The following KCP variants were observed in gnomAD, a reference collection of about 807,000 sequenced individuals.
The protein encoded by KCP is kielin cysteine rich BMP regulator.
KCP carries 194 observed loss-of-function variants against 212.7 expected under a neutral mutation model. That is an observed-to-expected ratio of 0.91 (90% CI 0.81 to 1.03). The LOEUF (loss-of-function observed/expected upper bound fraction) is 1.03, where lower values mean the gene tolerates loss of function less well. Ranked by LOEUF, KCP falls within the 50% of genes least tolerant of loss-of-function variation. The pLI, the probability that KCP is intolerant of heterozygous loss-of-function variation, is 0.00. For missense variants in KCP, 2,080 were observed against 2,162.5 expected (o/e 0.96, Z 0.76); for synonymous variants, 833 against 865.3 (o/e 0.96, Z 0.65).
chr7:128,906,948 T>C (rs1795151916), intron 4 of KCP, among the ~76,000 whole-genome samples, 153 bp downstream of exon 4: 1 of 152,168 alleles, frequency 6.6e-6, no homozygotes, highest in East Asian at 1.9e-4. Flanking sequence ...GAGCTCCTTT[T>C]CCTACTCGGA....
At position 128,906,337 on chromosome 7, in the gene KCP, C is replaced by T. The variant is rs1795118377; in HGVS notation, c.513G>A (p.Lys171=). ...CLEGTITCNQ[K]PCPRGPCPEP... is the part of the protein sequence containing the mutation. ...CAGGGCAGGGTCCTCTTGGGCATGGCTTCTGGTTGCAAGTGATGGTACCTT... is the reference window on the plus strand; with the variant it reads ...CAGGGCAGGGTCCTCTTGGGCATGGTTTCTGGTTGCAAGTGATGGTACCTT... The change falls in exon 5 of 40, where the codon AAG becomes AAA. Residue 171 remains lysine (K), a synonymous_variant. Transcript: ENST00000610776. 3.9e-6 allele frequency: 6 copies of T among 1,550,188 alleles called. No homozygotes were observed. Among genetic ancestry groups the T allele is most frequent in the Non-Finnish European group, 5.2e-6 (6 of 1,146,872 alleles).
intron 31 of KCP, 37 bp downstream of exon 31, chr7:128,881,589 T>C: frequency 1.4e-6 from 2 of 1,406,512 alleles, no homozygotes; most frequent in Non-Finnish European, 1.9e-6. Context: ...CCCCCTGGGC[T>C]CCTCTCTGAG....
rs574504160 is a variant in KCP, at chr7:128,882,092, T to C, written c.3245-76A>G. The C allele has an allele frequency of 3.3e-3, 3,732 of 1,141,386 alleles. 11 individuals carry two copies. Among genetic ancestry groups the C allele is most frequent in the Non-Finnish European group, 4.0e-3 (3,133 of 782,116 alleles). The allele number at this position is 1,141,386 out of a possible 1,614,324, so 70.7% of individuals were successfully genotyped here. ...GGAAATCCCAGCTGTCCCCATGCAC[T>C]GTGTCCCCAGGTTTCTAACTCGAAC... is the stretch of plus-strand genomic sequence containing the variant. On this transcript the variant is annotated intron_variant, in intron 29 of 39. Coordinates refer to ENST00000610776, the MANE Select transcript of KCP (RefSeq NM_001366122.1).
At position 128,878,650 on chromosome 7, in the gene KCP, A is replaced by C. The variant is rs199657290; in HGVS notation, c.4219T>G (p.Cys1407Gly). ...GSYQGRTCGL[C>G]GNFNGFAQDD... Reference sequence around the variant, plus strand: ...TGGGCAAAGCCATTGAAGTTCCCACAGAGCCCACAAGTCCGGCCCTGGTAG... The same window carrying C: ...TGGGCAAAGCCATTGAAGTTCCCACCGAGCCCACAAGTCCGGCCCTGGTAG... The change falls in exon 38 of 40, where the codon TGT becomes GGT. Residue 1407 changes from cysteine (C) to glycine (G), a missense_variant. Physicochemically the swap from Cys to Gly is radical, Grantham distance 159. Transcript: ENST00000610776. The C allele has an allele frequency of 3.1e-4, 483 of 1,551,224 alleles. No individual in the cohort carries two copies. The highest frequency in any genetic ancestry group is 1.2e-3 in the Middle Eastern group (7 of 6,014).
At chr7:128,891,845 T>G (rs375675125) in intron 16 of KCP, 26 bp from the exon 17 acceptor site, 1 of 1,424,084 alleles carries the variant, frequency 7.0e-7, no homozygotes. Context: ...TGGGGGCAGG[T>G]ATGAGGGCAA....
intron 5 of KCP, among the ~76,000 whole-genome samples, chr7:128,905,171 G>A (rs905706192): frequency 9.2e-5 from 14 of 152,034 alleles, no homozygotes; most frequent in Non-Finnish European, 1.3e-4. Flanking sequence ...CTCCTCTCTC[G>A]GAGGGGCTTC....
chr7:128,907,869 C>G (rs1438364249), intron 2 of KCP, among the ~76,000 whole-genome samples: 2 of 152,126 alleles, frequency 1.3e-5, no homozygotes, highest in Admixed American at 1.3e-4. Flanking sequence ...TGGCTCACAC[C>G]TGTAATCCCA....
rs1263139875 is a variant in KCP, at chr7:128,884,132, T to C, written c.3124-10A>G. 2 of 1,540,582 alleles carry C rather than the reference T, an allele frequency of 1.3e-6. No individual in the cohort carries two copies. The highest frequency in any genetic ancestry group is 1.7e-6 in the Non-Finnish European group (2 of 1,144,014). On this transcript the variant is annotated splice_polypyrimidine_tract_variant and intron_variant, in intron 28 of 39. Coordinates refer to ENST00000610776, the MANE Select transcript of KCP (RefSeq NM_001366122.1). The stretch of plus-strand genomic sequence containing the variant: ...GCCCCTCAGGCTGTGGCTACAAGAA[T>C]GAGTGAGCAGCGGTGGGTCCTGGGC...
Position 128,907,305 on chromosome 7 carries a change from G to T in KCP, c.368C>A (p.Ala123Asp), listed in dbSNP as rs765238929. 8.4e-6 allele frequency: 13 copies of T among 1,539,404 alleles called. No homozygotes were observed. The South Asian group carries it at 1.3e-4, about 16-fold the overall frequency. The part of the protein sequence containing the change: ...ACTACVCQDG[A>D]AHCGPQAHLP... Reference sequence around the variant, plus strand: ...GTGTGCTTGGGGGCCACAGTGAGCGGCCCCATCCTGGCAGACGCAGGCTGT... The same window carrying T: ...GTGTGCTTGGGGGCCACAGTGAGCGTCCCCATCCTGGCAGACGCAGGCTGT... Residue 123 changes from alanine to aspartate, a missense_variant, in exon 3 of 40, where the codon GCC becomes GAC. Transcript: ENST00000610776.
In KCP at chr7:128,892,991, TC is replaced by T. The variant is rs1166008655; in HGVS notation, c.1297del (p.Glu433ArgfsTer81). 4 of 1,034,936 alleles carry T rather than the reference TC, an allele frequency of 3.9e-6. No homozygotes were observed. The highest frequency in any genetic ancestry group is 5.9e-6 in the Non-Finnish European group (4 of 675,258). The allele number at this position is 1,034,936 out of a possible 1,614,324, so 64.1% of individuals were successfully genotyped here. A position where few individuals can be genotyped will look rare whatever the true frequency, so the allele number is the denominator to read the frequency against. ...ACELDGEEFA[E>X]GVQWEPDGRP... ...ACCATCAGGCTCCCACTGGACTCCCTCAGCAAACTCCTCTCCATCCAGCTCA... is the reference window on the plus strand; with the variant it reads ...ACCATCAGGCTCCCACTGGACTCCCTAGCAAACTCCTCTCCATCCAGCTCA... On this transcript the variant is annotated frameshift_variant, in exon 14 of 40. Coordinates refer to ENST00000610776, the MANE Select transcript of KCP (RefSeq NM_001366122.1). LOFTEE classifies it high-confidence loss of function.
Position 128,907,207 on chromosome 7 carries a change from C to A in KCP, c.410-30G>T, listed in dbSNP as rs1197010381. ...GGAGACAGCAGTGTCACTCAAGCAC[C>A]CCATGCCATCTGCAGGTCTTTAGGT... On this transcript the variant is annotated intron_variant, in intron 3 of 39. Transcript: ENST00000610776. 3 of 1,546,050 alleles carry A rather than the reference C, an allele frequency of 1.9e-6. No homozygotes were observed. The Admixed American group carries it at 5.9e-5, about 30-fold the overall frequency.
intron 4 of KCP, among the ~76,000 whole-genome samples, chr7:128,906,888 G>C (rs1795147853): frequency 6.6e-6 from 1 of 152,096 alleles, no homozygotes; most frequent in African/African-American, 2.4e-5. Context: ...GCCACTGTTG[G>C]CCAGGTCTGA....
Position 128,880,029 on chromosome 7 carries a change from G to A in KCP, c.3816C>T (p.Pro1272=), listed in dbSNP as rs750374516. 30 of 1,549,174 alleles carry A rather than the reference G, an allele frequency of 1.9e-5. No individual in the cohort carries two copies. Among genetic ancestry groups the A allele is most frequent in the African/African-American group, 9.6e-5 (7 of 73,030 alleles). Residue 1272 remains proline (P), a synonymous_variant, in exon 35 of 40, where the codon CCC becomes CCT. Transcript: ENST00000610776. The part of the protein sequence containing the change: ...GSCCPRCLPR[P]ASCMAFGDPH... ...GGTCTCCGAAGGCCATGCAGGAAGC[G>A]GGCCGAGGCAGGCAGCGGGGGCAGC...
Position 128,884,079 on chromosome 7 carries a change from T to C in KCP, c.3167A>G (p.Gln1056Arg). 1 of 1,542,538 alleles carries C rather than the reference T, an allele frequency of 6.5e-7. No homozygotes were observed. Among genetic ancestry groups the C allele is most frequent in the Non-Finnish European group, 8.7e-7 (1 of 1,144,630 alleles). The change falls in exon 29 of 40, where the codon CAG becomes CGG. Residue 1056 changes from glutamine to arginine, a missense_variant. Gln to Arg is a conservative substitution (Grantham distance 43). Transcript: ENST00000610776. The part of the protein sequence containing the change: ...GPPSLRCHRR[Q>R]CPSLVGCPPS... ...GGGGCAGCCCACCAGGCTGGGACAC[T>C]GCCGCCGGTGACAGCGAAGGCTGGG... is the stretch of plus-strand genomic sequence containing the variant.
intron 1 of KCP, among the ~76,000 whole-genome samples, chr7:128,909,583 A>G (rs1420436718): frequency 6.6e-6 from 1 of 152,066 alleles, no homozygotes; most frequent in Non-Finnish European, 1.5e-5. Flanking sequence ...TTGTCCCCTA[A>G]TACATCCCCC....
chr7:128,883,966 C>T (rs761775096), intron 29 of KCP, 36 bp downstream of exon 29: 1 of 1,540,420 alleles, frequency 6.5e-7, no homozygotes, highest in Non-Finnish European at 8.7e-7. Context: ...CAGCCCTAAC[C>T]TCATATCTCA....
intron 27 of KCP, 30 bp downstream of exon 27, chr7:128,885,067 C>A: frequency 6.4e-7 from 1 of 1,550,410 alleles, no homozygotes; most frequent in South Asian, 1.2e-5. Flanking sequence ...CCCTCCTCGC[C>A]TTTCCCCTCC....
intron 37 of KCP, chr7:128,879,049 GC>G: frequency 2.5e-6 from 1 of 400,686 alleles, no homozygotes; most frequent in Non-Finnish European, 4.5e-6. Context: ...GGGCATTCGG[GC>G]CTTGCAGAGG....
chr7:128,886,989 AC>A (rs1793693313), intron 23 of KCP, 23 bp from the exon 24 acceptor site: 1 of 1,264,096 alleles, frequency 7.9e-7, no homozygotes, highest in Non-Finnish European at 1.1e-6. Context: ...GGCCCATCAC[AC>A]CCTCAACTGG....
Sources: gnomAD v4.1 joint callset for allele counts (sites outside exome capture counted in the v4.1 genomes callset) on GRCh38, gnomAD v4.1.1 for gene constraint, MANE v1.5 for transcripts, NCBI Gene and HGNC (gene_info 2026-07-23, HGNC 2026-07-21) for gene names.